FARP1: variants seen among roughly 807,000 people sequenced by gnomAD.
FARP1 encodes FERM, ARH/RhoGEF and pleckstrin domain protein 1.
FARP1 carries 52 observed loss-of-function variants against 128.8 expected under a neutral mutation model. The observed-to-expected ratio is 0.40, with a 90% CI of 0.32 to 0.51. FARP1 has a LOEUF of 0.51. Ranked by LOEUF, FARP1 falls within the 20% of genes least tolerant of loss-of-function variation. The pLI is 0.45. For synonymous variants in FARP1, 580 were observed against 551.8 expected (o/e 1.05, Z -0.72); for missense variants, 1,333 against 1,367.9 (o/e 0.97, Z 0.40).
chr13:98,217,517 C>T (rs1427139616), intron 2 of FARP1, among the ~76,000 whole-genome samples: 1 of 152,202 alleles, frequency 6.6e-6, no homozygotes, highest in Non-Finnish European at 1.5e-5. Context: ...CTGCTGTACT[C>T]GAGCTTTTGT....
At chr13:98,442,012 G>A (rs1323719927) in intron 24 of FARP1, among the ~76,000 whole-genome samples, 1 of 152,220 alleles carries the variant, frequency 6.6e-6, no homozygotes, top group Non-Finnish European at 1.5e-5. Flanking sequence ...TGTGAAACAG[G>A]AAAGCTTTCT....
At chr13:98,445,952 C>G in intron 24 of FARP1, 146 bp from the exon 25 acceptor site, 1 of 599,252 alleles carries the variant, frequency 1.7e-6, no homozygotes, top group Non-Finnish European at 3.0e-6. Flanking sequence ...CCAAGTCTCC[C>G]CACACACGGG....
At chr13:98,409,667 T>A in intron 14 of FARP1, 142 bp downstream of exon 14, 1 of 643,540 alleles carries the variant, frequency 1.6e-6, no homozygotes, top group Non-Finnish European at 2.4e-6. Flanking sequence ...TGGCATTAAG[T>A]ACATTCATGT....
chr13:98,353,328 G>C (rs1417142591), intron 3 of FARP1, among the ~76,000 whole-genome samples: 1 of 152,146 alleles, frequency 6.6e-6, no homozygotes, highest in Non-Finnish European at 1.5e-5. Flanking sequence ...AGATACAAGG[G>C]TGTTTACCAT....
intron 2 of FARP1, among the ~76,000 whole-genome samples, chr13:98,291,598 C>G (rs1338751113): frequency 6.6e-6 from 1 of 152,138 alleles, no homozygotes; most frequent in Non-Finnish European, 1.5e-5. Flanking sequence ...TTTCTGCCAG[C>G]GGGTATATCC....
At chr13:98,218,728 G>T (rs1881245978) in intron 2 of FARP1, among the ~76,000 whole-genome samples, 1 of 152,148 alleles carries the variant, frequency 6.6e-6, no homozygotes, top group Admixed American at 6.5e-5. Context: ...CGTGTGGGGT[G>T]GCTGTTTTCA....
At chr13:98,437,575 C>T (rs1243117417) in intron 19 of FARP1, among the ~76,000 whole-genome samples, 2 of 152,034 alleles carry the variant, frequency 1.3e-5, no homozygotes, top group Admixed American at 6.5e-5. Context: ...AGGAGGGCTT[C>T]GTGCAGGGTG....
chr13:98,332,385 A>T (rs1887547696), intron 2 of FARP1: 1 of 152,194 alleles, frequency 6.6e-6, no homozygotes. Context: ...ATAAATACCA[A>T]GTATCTGGTT....
intron 5 of FARP1, 35 bp from the exon 6 acceptor site, chr13:98,377,786 C>G (rs762740150): frequency 6.4e-7 from 1 of 1,559,418 alleles, no homozygotes; most frequent in Non-Finnish European, 8.8e-7. Context: ...CTCCTGCCCT[C>G]TTTGCCTGAC....
At chr13:98,157,439 A>G (rs552243711) in intron 1 of FARP1, among the ~76,000 whole-genome samples, 65 of 151,966 alleles carry the variant, frequency 4.3e-4, no homozygotes, top group African/African-American at 1.6e-3. Context: ...CTGCTCTGAC[A>G]TTCATCCAGT....
chr13:98,236,363 C>G (rs1882420180), intron 2 of FARP1, among the ~76,000 whole-genome samples: 1 of 152,140 alleles, frequency 6.6e-6, no homozygotes, highest in Non-Finnish European at 1.5e-5. Context: ...GGCCATAAAT[C>G]TAGTAATATG....
At position 98,358,010 on chromosome 13, in the gene FARP1, G is replaced by A. The variant is rs1251146821; in HGVS notation, c.277-7385G>A. Among the ~76,000 whole-genome samples the A allele has an allele frequency of 6.6e-5, 10 of 151,900 alleles. No homozygotes were observed. In the South Asian group the frequency reaches 1.7e-3, roughly 25 times the overall value. Reference sequence around the variant, plus strand: ...CATGAGGTTTTCCAGACTGGCTGATGGGAATAGGTAGTATTCCTGGCCCTG... The same window carrying A: ...CATGAGGTTTTCCAGACTGGCTGATAGGAATAGGTAGTATTCCTGGCCCTG... On this transcript the variant is annotated intron_variant, in intron 3 of 26. Coordinates refer to ENST00000319562, the MANE Select transcript of FARP1 (RefSeq NM_005766.4).
rs1883631498 is a variant in FARP1 at position 98,256,950 on chromosome 13, TATATA to T, written c.171+43538_171+43542del. 2.6e-4 allele frequency among the ~76,000 whole-genome samples: 4 copies of T among 15,128 alleles called. 1 individual carries two copies. Among genetic ancestry groups the T allele is most frequent in the Non-Finnish European group, 3.0e-4 (3 of 9,914 alleles). The allele number at this position is 15,128 out of a possible 152,430, so 9.9% of individuals were successfully genotyped here. ...ATAATTTTCAAAGTATATATGTGGA[TATATA>T]TATATATATATATATATATATATAT... On this transcript the variant is annotated intron_variant, in intron 2 of 26. Coordinates refer to ENST00000319562, the MANE Select transcript of FARP1 (RefSeq NM_005766.4).
At chr13:98,270,473 A>G (rs1310930089) in intron 2 of FARP1, among the ~76,000 whole-genome samples, 5 of 152,180 alleles carry the variant, frequency 3.3e-5, no homozygotes, top group Admixed American at 2.6e-4. Context: ...TAAACTATTC[A>G]TGACTTACAA....
At chr13:98,445,111 C>G (rs1346908574) in intron 24 of FARP1, 1 of 152,276 alleles carries the variant, frequency 6.6e-6, no homozygotes, top group African/African-American at 2.4e-5. Context: ...GCAGGGACAT[C>G]AGACCATTTG....
intron 3 of FARP1, among the ~76,000 whole-genome samples, chr13:98,364,271 C>A (rs1418079125): frequency 2.0e-5 from 3 of 152,134 alleles, no homozygotes; most frequent in Non-Finnish European, 4.4e-5. Context: ...ATCCATGTAT[C>A]TATCAGTAGA....
chr13:98,445,882 C>A, intron 24 of FARP1: 4 of 514,626 alleles, frequency 7.8e-6, no homozygotes, highest in Non-Finnish European at 1.4e-5. Flanking sequence ...ACACAGGGAC[C>A]CCAAGATGCC....
chr13:98,231,402 G>T (rs1882105989), intron 2 of FARP1, among the ~76,000 whole-genome samples: 1 of 151,890 alleles, frequency 6.6e-6, no homozygotes, highest in African/African-American at 2.4e-5. Flanking sequence ...TAGATGCTAT[G>T]TTGTCATTCA....
intron 13 of FARP1, chr13:98,400,785 T>C (rs983238686): frequency 6.6e-6 from 1 of 152,224 alleles, no homozygotes; most frequent in African/African-American, 2.4e-5. Flanking sequence ...AGACTGGCCT[T>C]CCTCTAGTGT....
Sources: gnomAD v4.1 joint callset for allele counts (sites outside exome capture counted in the v4.1 genomes callset) on GRCh38, gnomAD v4.1.1 for gene constraint, MANE v1.5 for transcripts, NCBI Gene and HGNC (gene_info 2026-07-23, HGNC 2026-07-21) for gene names.